Variants in EPHA4 observed in about 807,000 individuals in gnomAD.
The protein encoded by EPHA4 is ephrin type-A receptor 4.
Under a neutral mutation model 108.3 loss-of-function variants are expected in EPHA4, and 19 were observed. The observed-to-expected ratio is 0.18, with a 90% confidence interval of 0.12 to 0.26. The LOEUF is 0.26. EPHA4 is among the 10% of genes least tolerant of loss of function. The pLI is 1.00. For synonymous variants in EPHA4, 449 were observed against 455.5 expected, an observed-to-expected ratio of 0.99 and a Z score of 0.18; for missense variants, 917 against 1,254.0, an observed-to-expected ratio of 0.73 and a Z score of 4.06.
intron 5 of EPHA4, among the ~76,000 whole-genome samples, chr2:221,459,138 T>C (rs1691058989): frequency 6.6e-6 from 1 of 152,278 alleles, no homozygotes; most frequent in East Asian, 1.9e-4. Flanking sequence ...TGCTTGACCA[T>C]GTCTGACGAG....
Position 221,556,964 on chromosome 2 carries a change from C to T in EPHA4, c.823+6767G>A, listed in dbSNP as rs560608021. Among the ~76,000 whole-genome samples, 784 of 152,176 alleles carry T rather than the reference C, an allele frequency of 5.2e-3. 8 individuals are homozygous for T. Among genetic ancestry groups the T allele is most frequent in the African/African-American group, 0.017 (725 of 41,516 alleles). The stretch of plus-strand genomic sequence containing the variant: ...ATCTATTGAGGGTCTTGGAACATAT[C>T]GTCCAAAGTTAAAGGGGATCACTGT... On this transcript the variant is annotated intron_variant, in intron 3 of 17. Transcript: ENST00000281821.
At chr2:221,550,420 A>G (rs1416625499) in intron 3 of EPHA4, among the ~76,000 whole-genome samples, 14 of 66,708 alleles carry the variant, frequency 2.1e-4, no homozygotes, top group Admixed American at 1.2e-3. Context: ...AGGAAAGGGG[A>G]GAGAGAGAGA....
At chr2:221,508,071 T>C (rs1383105917) in intron 3 of EPHA4, among the ~76,000 whole-genome samples, 2 of 152,140 alleles carry the variant, frequency 1.3e-5, no homozygotes, top group Non-Finnish European at 2.9e-5. Context: ...GATGACAACA[T>C]TGCTGGTCCA....
intron 5 of EPHA4, among the ~76,000 whole-genome samples, chr2:221,473,350 C>A (rs1353963059): frequency 1.3e-5 from 2 of 152,054 alleles, no homozygotes; most frequent in Non-Finnish European, 2.9e-5. Context: ...CCTCACCAGT[C>A]TTTACCTGAA....
intron 9 of EPHA4, among the ~76,000 whole-genome samples, chr2:221,445,409 G>A (rs1690560875): frequency 6.6e-6 from 1 of 151,958 alleles, no homozygotes; most frequent in Admixed American, 6.6e-5. Context: ...CTAACACGGT[G>A]AAATCCCATC....
chr2:221,570,821 C>T (rs1694812290), intron 1 of EPHA4, among the ~76,000 whole-genome samples: 1 of 150,536 alleles, frequency 6.6e-6, no homozygotes, highest in Non-Finnish European at 1.5e-5. Flanking sequence ...GACGGACGGA[C>T]GGACAGATAT....
chr2:221,514,375 T>C (rs1351617279), intron 3 of EPHA4, among the ~76,000 whole-genome samples: 2 of 152,158 alleles, frequency 1.3e-5, no homozygotes, highest in Admixed American at 6.5e-5. Flanking sequence ...TGCACTCTTG[T>C]AGGGCACAAA....
chr2:221,462,725 C>T (rs901447610), intron 5 of EPHA4, among the ~76,000 whole-genome samples: 5 of 152,126 alleles, frequency 3.3e-5, no homozygotes, highest in Non-Finnish European at 5.9e-5. Flanking sequence ...TAAATGGAGT[C>T]TCTGTTTCTA....
chr2:221,534,894 T>G (rs1361938258), intron 3 of EPHA4, among the ~76,000 whole-genome samples: 1 of 152,346 alleles, frequency 6.6e-6, no homozygotes, highest in South Asian at 2.1e-4. Flanking sequence ...TTAACTTTTT[T>G]GTTGACCAGA....
intron 17 of EPHA4, among the ~76,000 whole-genome samples, chr2:221,422,640 A>T (rs1433697552): frequency 6.6e-6 from 1 of 152,196 alleles, no homozygotes; most frequent in Non-Finnish European, 1.5e-5. Flanking sequence ...CCTTCTCCTC[A>T]CCATTGAATT....
At chr2:221,449,678 C>A (rs1391483671) in intron 8 of EPHA4, among the ~76,000 whole-genome samples, 1 of 152,140 alleles carries the variant, frequency 6.6e-6, no homozygotes, top group African/African-American at 2.4e-5. Flanking sequence ...GTTCCTGGCA[C>A]CTTGACTATT....
chr2:221,475,237 A>C (rs1354929337), intron 5 of EPHA4, among the ~76,000 whole-genome samples: 1 of 152,210 alleles, frequency 6.6e-6, no homozygotes, highest in Non-Finnish European at 1.5e-5. Context: ...AGTGTGAAGA[A>C]TGCATACTTT....
chr2:221,426,329 A>G, intron 16 of EPHA4, 135 bp downstream of exon 16: 1 of 1,160,100 alleles, frequency 8.6e-7, no homozygotes. Flanking sequence ...GGCTGTGTAA[A>G]ATTATACTCA....
chr2:221,449,865 T>C (rs1162574286), intron 8 of EPHA4, among the ~76,000 whole-genome samples: 1 of 152,200 alleles, frequency 6.6e-6, no homozygotes, highest in African/African-American at 2.4e-5. Flanking sequence ...ATATTAAAAA[T>C]AAAGCAACGT....
chr2:221,506,634 C>T (rs887216915), intron 3 of EPHA4, among the ~76,000 whole-genome samples: 14 of 152,170 alleles, frequency 9.2e-5, no homozygotes, highest in South Asian at 4.1e-4. Context: ...AACAGCCAAA[C>T]GCTGGCAAAT....
intron 8 of EPHA4, among the ~76,000 whole-genome samples, chr2:221,451,246 G>GA (rs957240465): frequency 5.3e-5 from 8 of 152,082 alleles, no homozygotes; most frequent in African/African-American, 1.7e-4. Context: ...TACTGTTTTG[G>GA]AAAAAACACT....
chr2:221,461,405 C>A (rs1289272760), intron 5 of EPHA4, among the ~76,000 whole-genome samples: 1 of 152,092 alleles, frequency 6.6e-6, no homozygotes, highest in Non-Finnish European at 1.5e-5. Flanking sequence ...GTACATCCCA[C>A]CCTTAAATAT....
chr2:221,461,246 C>A, intron 5 of EPHA4, among the ~76,000 whole-genome samples: 1 of 152,300 alleles, frequency 6.6e-6, no homozygotes. Flanking sequence ...TCCCTAAAAT[C>A]ATCTCTGATG....
At chr2:221,526,966 CA>C (rs71050341) in intron 3 of EPHA4, among the ~76,000 whole-genome samples, 10 of 134,042 alleles carry the variant, frequency 7.5e-5, no homozygotes, top group East Asian at 2.4e-4. Flanking sequence ...ACTAAAAATA[CA>C]AAAAAAAAAT....
Sources: gnomAD v4.1 joint callset for allele counts (sites outside exome capture counted in the v4.1 genomes callset) on GRCh38, gnomAD v4.1.1 for gene constraint, MANE v1.5 for transcripts, NCBI Gene and HGNC (gene_info 2026-07-23, HGNC 2026-07-21) for gene names.